The following MUC3A variants were observed in gnomAD, a reference collection of about 807,000 sequenced individuals.
MUC3A encodes the protein mucin-3A.
MUC3A carries 109 observed loss-of-function variants against 109.0 expected under a neutral mutation model. That is an observed-to-expected ratio of 1.00 (90% confidence interval 0.86 to 1.17). The LOEUF (loss-of-function observed/expected upper bound fraction) is 1.17, where lower values mean the gene tolerates loss of function less well. MUC3A is among the 50% of genes most tolerant of loss of function. The probability of loss-of-function intolerance (pLI) is 0.00; values close to 1 mark genes in which losing one functional copy is unlikely to be tolerated. For missense variants in MUC3A, 3,537 were observed against 2,469.4 expected (o/e 1.43, Z -9.16); for synonymous variants, 1,398 against 981.4 (o/e 1.42, Z -7.93).
Position 100,964,685 on chromosome 7 carries a change from G to A in MUC3A, c.9234-10G>A. On this transcript the variant is annotated splice_polypyrimidine_tract_variant and intron_variant, in intron 5 of 11. Coordinates refer to ENST00000379458, the MANE Select transcript of MUC3A (RefSeq NM_005960.2). ...GGCTGGGGCACTCTCTAAGGCTGTGGACCCCTCAGGAATGGCAGCATCGTG... is the reference window on the plus strand; with the variant it reads ...GGCTGGGGCACTCTCTAAGGCTGTGAACCCCTCAGGAATGGCAGCATCGTG... 2 of 1,597,516 alleles carry A rather than the reference G, an allele frequency of 1.3e-6. No individual in the cohort carries two copies. Among genetic ancestry groups the A allele is most frequent in the Non-Finnish European group, 1.7e-6 (2 of 1,179,126 alleles).
At chr7:100,965,896 C>G (rs749237495) in intron 8 of MUC3A, 30 bp downstream of exon 8, 1 of 1,566,848 alleles carries the variant, frequency 6.4e-7, no homozygotes, top group African/African-American at 1.3e-5. Flanking sequence ...CGGCATCAGC[C>G]GAGCCCCTCC....
intron 5 of MUC3A, 72 bp downstream of exon 5, chr7:100,963,824 C>T (rs1466695656): frequency 1.9e-6 from 3 of 1,584,570 alleles, no homozygotes; most frequent in Admixed American, 1.7e-5. Context: ...AAACCCATTC[C>T]TTTCTTTTGT....
Position 100,966,920 on chromosome 7 carries a change from T to G in MUC3A, c.9899T>G (p.Val3300Gly). ...CTAGACAAGGATACAAATTTCTATG[T>G]GGCCTTGGAGAACGTGGACACCACT... ...DGTDKDTNFY[V>G]ALENVDTTMK... Residue 3300 changes from valine to glycine, a missense_variant, in exon 11 of 12, where the codon GTG becomes GGG. Coordinates refer to ENST00000379458, the MANE Select transcript of MUC3A (RefSeq NM_005960.2). 1.9e-6 allele frequency: 3 copies of G among 1,598,542 alleles called. No individual in the cohort carries two copies. Among genetic ancestry groups the G allele is most frequent in the Non-Finnish European group, 2.5e-6 (3 of 1,179,822 alleles).
rs969976374 is a variant in MUC3A at position 100,965,583 on chromosome 7, C to T, written c.9449-121C>T. ...CCCTCATCGAATCCCAGGGTCTACCCCACAGCATCCCACCTCGGAAATGGA... is the reference window on the plus strand; with the variant it reads ...CCCTCATCGAATCCCAGGGTCTACCTCACAGCATCCCACCTCGGAAATGGA... On this transcript the variant is annotated intron_variant, in intron 7 of 11. Transcript: ENST00000379458. The T allele has an allele frequency of 5.3e-5, 79 of 1,498,146 alleles. No homozygotes were observed. The South Asian group carries it at 8.0e-4, about 15-fold the overall frequency. 92.8% of individuals were successfully genotyped at this position (1,498,146 alleles called of 1,614,324 possible). A position where few individuals can be genotyped will look rare whatever the true frequency, so the allele number is the denominator to read the frequency against.
At position 100,958,984 on chromosome 7, in the gene MUC3A, C is replaced by A. The variant is rs902461156; in HGVS notation, c.7205C>A (p.Thr2402Asn). 7.3e-7 allele frequency: 1 copy of A among 1,363,922 alleles called. No individual in the cohort carries two copies. Among genetic ancestry groups the A allele is most frequent in the East Asian group, 2.7e-5 (1 of 37,130 alleles). The allele number at this position is 1,363,922 out of a possible 1,614,324, so 84.5% of individuals were successfully genotyped here. A position where few individuals can be genotyped will look rare whatever the true frequency, so the allele number is the denominator to read the frequency against. ...LTSWVTTTKTTSHITPGLTSS... is the reference protein window; with the variant it reads ...LTSWVTTTKTNSHITPGLTSS... Reference sequence around the variant, plus strand: ...TCGTGGGTCACCACCACCAAGACCACCTCACACATTACTCCTGGCCTCACT... The same window carrying A: ...TCGTGGGTCACCACCACCAAGACCAACTCACACATTACTCCTGGCCTCACT... The change falls in exon 2 of 12, where the codon ACC becomes AAC. Residue 2402 changes from threonine (T) to asparagine (N), a missense_variant. Transcript: ENST00000379458.
Position 100,965,697 on chromosome 7 carries a change from C to G in MUC3A, c.9449-7C>G, listed in dbSNP as rs759795288. The G allele has an allele frequency of 6.3e-7, 1 of 1,595,288 alleles. No individual in the cohort carries two copies. The highest frequency in any genetic ancestry group is 1.7e-5 in the Admixed American group (1 of 59,810). ...TGTCTCTGTGCATCCCCCTCCCCAA[C>G]CCCCAGCCATCTGCCGCCGCGCCGC... On this transcript the variant is annotated splice_region_variant and splice_polypyrimidine_tract_variant and intron_variant, in intron 7 of 11. Transcript: ENST00000379458.
At position 100,960,815 on chromosome 7, in the gene MUC3A, G is replaced by C; in HGVS notation, c.8930G>C (p.Gly2977Ala). Residue 2977 changes from glycine to alanine, a missense_variant, in exon 3 of 12, where the codon GGG (glycine) becomes GCG (alanine). Gly to Ala is a moderately conservative substitution (Grantham distance 60). Coordinates refer to ENST00000379458, the MANE Select transcript of MUC3A (RefSeq NM_005960.2). ...GQCACLPGFSGDRCQLQTRCQ... is the reference protein window; with the variant it reads ...GQCACLPGFSADRCQLQTRCQ... The stretch of plus-strand genomic sequence containing the variant: ...TGTGCTTGCCTTCCGGGGTTTTCTG[G>C]GGACCGCTGTCAGCTCCAGACCAGA... 6.3e-7 allele frequency: 1 copy of C among 1,598,536 alleles called. No individual in the cohort carries two copies. Among genetic ancestry groups the C allele is most frequent in the Non-Finnish European group, 8.5e-7 (1 of 1,179,814 alleles).
At position 100,957,745 on chromosome 7, in the gene MUC3A, C is replaced by T. The variant is rs1792139876; in HGVS notation, c.5966C>T (p.Thr1989Ile). 22 of 1,366,298 alleles carry T rather than the reference C, an allele frequency of 1.6e-5. No individual in the cohort carries two copies. The highest frequency in any genetic ancestry group is 8.5e-5 in the Admixed American group (5 of 58,628). 84.6% of individuals were successfully genotyped at this position (1,366,298 alleles called of 1,614,324 possible). A position where few individuals can be genotyped will look rare whatever the true frequency, so the allele number is the denominator to read the frequency against. ...ITTTKTTSHS[T>I]PSYTSLITTT... Reference sequence around the variant, plus strand: ...ACCACCAAGACCACCTCACACAGTACTCCCAGCTACACTTCTTTGATCACC... The same window carrying T: ...ACCACCAAGACCACCTCACACAGTATTCCCAGCTACACTTCTTTGATCACC... Residue 1989 changes from threonine (T) to isoleucine (I), a missense_variant, in exon 2 of 12, where the codon ACT becomes ATT. Physicochemically the swap from Thr to Ile is moderately conservative, Grantham distance 89. Transcript: ENST00000379458.
chr7:100,964,782 CA>C lies in MUC3A; in HGVS notation c.9322del (p.Thr3108ArgfsTer2). ...AGAGCGAGTATGAGCAGGTGAAGAC[CA>C]CGCTGAAGGAGGGGCTGCAGAACGC... ...LESEYEQVKTTLKEGLQNASQ... is the reference protein window; with the variant it reads ...LESEYEQVKTXLKEGLQNASQ... On this transcript the variant is annotated frameshift_variant, in exon 6 of 12. Transcript: ENST00000379458. LOFTEE classifies it high-confidence loss of function. 1 of 1,598,472 alleles carries C rather than the reference CA, an allele frequency of 6.3e-7. No homozygotes were observed. The highest frequency in any genetic ancestry group is 8.5e-7 in the Non-Finnish European group (1 of 1,179,758).
intron 4 of MUC3A, among the ~76,000 whole-genome samples, 153 bp downstream of exon 4, chr7:100,963,419 G>A (rs148085119): frequency 0.022 from 3,400 of 151,586 alleles, no homozygotes; most frequent in African/African-American, 0.079. Flanking sequence ...CCAAGTAGCT[G>A]GGATTACAGG....
At position 100,956,965 on chromosome 7, in the gene MUC3A, TC is replaced by T; in HGVS notation, c.5187del (p.Phe1729LeufsTer14). On this transcript the variant is annotated frameshift_variant, in exon 2 of 12. Coordinates refer to ENST00000379458, the MANE Select transcript of MUC3A (RefSeq NM_005960.2). LOFTEE classifies it high-confidence loss of function. Reference protein sequence around the residue: ...VATTGTGQTTFTSSTATSPKT... With the variant: ...VATTGTGQTTXTSSTATSPKT... ...ACTACAGGCACAGGTCAGACTACAT[TC>T]ACCAGTTCAACAGCCACATCCCCTA... 2.3e-6 allele frequency: 1 copy of T among 425,992 alleles called. No homozygotes were observed. Among genetic ancestry groups the T allele is most frequent in the East Asian group, 3.5e-5 (1 of 28,624 alleles). The allele number at this position is 425,992 out of a possible 1,614,324, so 26.4% of individuals were successfully genotyped here.
In MUC3A at chr7:100,963,142, T is replaced by G. The variant is rs2116214671; in HGVS notation, c.9053-9T>G. 6.3e-7 allele frequency: 1 copy of G among 1,597,860 alleles called. No individual in the cohort carries two copies. The highest frequency in any genetic ancestry group is 2.2e-5 in the East Asian group (1 of 44,888). ...GAGAAGTGACTGGGGACATGCATGCTCTGTGTAGATGTAGTGGAGACCGAG... is the reference window on the plus strand; with the variant it reads ...GAGAAGTGACTGGGGACATGCATGCGCTGTGTAGATGTAGTGGAGACCGAG... On this transcript the variant is annotated splice_polypyrimidine_tract_variant and intron_variant, in intron 3 of 11. Coordinates refer to ENST00000379458, the MANE Select transcript of MUC3A (RefSeq NM_005960.2).
At position 100,965,744 on chromosome 7, in the gene MUC3A, C is replaced by G. The variant is rs774481818; in HGVS notation, c.9489C>G (p.Phe3163Leu). 5.6e-6 allele frequency: 9 copies of G among 1,598,312 alleles called. No individual in the cohort carries two copies. In the African/African-American group the frequency reaches 1.2e-4, roughly 21 times the overall value. ...CCGCTCCCACGGGCTATGAAGAGTT[C>G]TACTTCCCCTTGGTGGAGGCCACCC... ...RRAAPTGYEE[F>L]YFPLVEATRL... Residue 3163 changes from phenylalanine to leucine, a missense_variant, in exon 8 of 12, where the codon TTC becomes TTG. By Grantham distance (22) the Phe-to-Leu change is conservative. Coordinates refer to ENST00000379458, the MANE Select transcript of MUC3A (RefSeq NM_005960.2).
Position 100,952,574 on chromosome 7 carries a change from C to T in MUC3A, c.795C>T (p.Ser265=). ...CCCCCATCACTTCTTCAATCACTTC[C>T]ACAAATACAGTGACTTCTATGACAA... ...STSPITSSIT[S]TNTVTSMTTT... Residue 265 remains serine, a synonymous_variant, in exon 2 of 12, where the codon TCC becomes TCT. Coordinates refer to ENST00000379458, the MANE Select transcript of MUC3A (RefSeq NM_005960.2). 3 of 1,598,496 alleles carry T rather than the reference C, an allele frequency of 1.9e-6. No individual in the cohort carries two copies. The East Asian group carries it at 6.7e-5, about 36-fold the overall frequency.
intron 8 of MUC3A, 160 bp downstream of exon 8, chr7:100,966,026 G>A: frequency 8.1e-7 from 1 of 1,240,840 alleles, no homozygotes. Flanking sequence ...CTACAGTGGA[G>A]CCCTGCCCTG....
At position 100,964,531 on chromosome 7, in the gene MUC3A, AG is replaced by A. The variant is rs1431901877; in HGVS notation, c.9234-162del. On this transcript the variant is annotated intron_variant, in intron 5 of 11. Coordinates refer to ENST00000379458, the MANE Select transcript of MUC3A (RefSeq NM_005960.2). ...CCTGCCTTCCCAGGCAGACCAAGTC[AG>A]GAATGCTGGCAGCCCCTTCTGAAAA... 7 of 1,184,298 alleles carry A rather than the reference AG, an allele frequency of 5.9e-6. No individual in the cohort carries two copies. The African/African-American group carries it at 9.2e-5, about 16-fold the overall frequency. 73.4% of individuals were successfully genotyped at this position (1,184,298 alleles called of 1,614,324 possible). A position where few individuals can be genotyped will look rare whatever the true frequency, so the allele number is the denominator to read the frequency against.
chr7:100,965,221 C>A, intron 6 of MUC3A, 61 bp from the exon 7 acceptor site: 2 of 1,583,066 alleles, frequency 1.3e-6, no homozygotes, highest in Non-Finnish European at 1.7e-6. Context: ...CTGGCGCTAA[C>A]CCCTTGACCT....
In MUC3A at chr7:100,965,848, C is replaced by G. The variant is rs764506359; in HGVS notation, c.9593C>G (p.Thr3198Arg). 6 of 1,594,390 alleles carry G rather than the reference C, an allele frequency of 3.8e-6. No individual in the cohort carries two copies. Among genetic ancestry groups the G allele is most frequent in the South Asian group, 1.1e-5 (1 of 90,724 alleles). ...DCHQGQCVLE[T>R]SGPTCRCYST... ...CACCAGGGCCAGTGCGTTCTGGAGACGAGCGGTCCCACGTGTCGGTAAGGC... is the reference window on the plus strand; with the variant it reads ...CACCAGGGCCAGTGCGTTCTGGAGAGGAGCGGTCCCACGTGTCGGTAAGGC... Residue 3198 changes from threonine to arginine, a missense_variant, in exon 8 of 12, where the codon ACG (threonine) becomes AGG (arginine). Physicochemically the swap from Thr to Arg is moderately conservative, Grantham distance 71. Coordinates refer to ENST00000379458, the MANE Select transcript of MUC3A (RefSeq NM_005960.2).
At position 100,963,922 on chromosome 7, in the gene MUC3A, TA is replaced by T. The variant is rs1474756978; in HGVS notation, c.9233+171del. On this transcript the variant is annotated intron_variant, in intron 5 of 11. Coordinates refer to ENST00000379458, the MANE Select transcript of MUC3A (RefSeq NM_005960.2). ...TTTCGGATCGTTTTCTGGGGCCATT[TA>T]TCTGGAGGAGGGGTGGCACCTCTCT... 11 of 918,362 alleles carry T rather than the reference TA, an allele frequency of 1.2e-5. No individual in the cohort carries two copies. The African/African-American group carries it at 1.6e-4, about 14-fold the overall frequency. The allele number at this position is 918,362 out of a possible 1,614,324, so 56.9% of individuals were successfully genotyped here.
Sources: allele counts gnomAD v4.1 joint callset (sites outside exome capture counted in the v4.1 genomes callset), GRCh38; gene constraint gnomAD v4.1.1; transcripts MANE v1.5; gene names NCBI Gene and HGNC (gene_info 2026-07-23, HGNC 2026-07-21).